The following CTRL variants were observed in gnomAD, a reference collection of about 807,000 sequenced individuals.
CTRL encodes the protein chymotrypsin like.
CTRL carries 38 observed loss-of-function variants against 35.5 expected under a neutral mutation model. That is an observed-to-expected ratio of 1.07 (90% CI 0.83 to 1.40). CTRL has a LOEUF of 1.40. CTRL is among the 40% of genes most tolerant of loss of function. The pLI, the probability that CTRL is intolerant of heterozygous loss-of-function variation, is 0.00. For missense variants in CTRL, 327 were observed against 342.9 expected (o/e 0.95, Z 0.37); for synonymous variants, 155 against 141.1 (o/e 1.10, Z -0.70).
chr16:67,929,869 T>C lies in CTRL; in HGVS notation c.*65A>G. ...TTCTCCTGAGCCAGGAAGACAGACA[T>C]GAATGCATGATGGGACAGGGCCTGG... On this transcript the variant is annotated 3_prime_UTR_variant, in exon 7 of 7. Coordinates refer to ENST00000574481, the MANE Select transcript of CTRL (RefSeq NM_001907.3). 4.5e-6 allele frequency: 7 copies of C among 1,538,704 alleles called. No homozygotes were observed. In the South Asian group the frequency reaches 8.0e-5, roughly 18 times the overall value.
At position 67,931,082 on chromosome 16, in the gene CTRL, C is replaced by T; in HGVS notation, c.156+16G>A. The T allele has an allele frequency of 2.5e-6, 4 of 1,613,868 alleles. No homozygotes were observed. Among genetic ancestry groups the T allele is most frequent in the Non-Finnish European group, 3.4e-6 (4 of 1,179,856 alleles). ...ATGACGTACCCAGGACCCTGCCCACCCCTCTGGTGGTGTACCTGCAGGGAC... is the reference window on the plus strand; with the variant it reads ...ATGACGTACCCAGGACCCTGCCCACTCCTCTGGTGGTGTACCTGCAGGGAC... On this transcript the variant is annotated intron_variant, in intron 2 of 6. Transcript: ENST00000574481.
rs752607432 is a variant in CTRL, at chr16:67,930,939, C to T, written c.217G>A (p.Ala73Thr). The T allele has an allele frequency of 7.4e-6, 12 of 1,613,610 alleles. No individual in the cohort carries two copies. The East Asian group carries it at 1.8e-4, about 24-fold the overall frequency. The change falls in exon 3 of 7, where the codon GCT (alanine) becomes ACT (threonine). Residue 73 changes from alanine (A) to threonine (T), a missense_variant. Transcript: ENST00000574481. This position sits in a 1 kb window ranked among gnomAD's most constrained non-coding sequence, Gnocchi z 4.3. ...SLISQSWVVT[A>T]AHCNVSPGRH... ...ACTCACCTGACATTGCAGTGGGCAG[C>T]AGTGACCACCCAGGACTGGCTGATG...
chr16:67,931,144 C>T lies in CTRL; in HGVS notation c.110G>A (p.Gly37Glu), dbSNP rs200758826. The part of the protein sequence containing the change: ...ALSFSQRIVN[G>E]ENAVLGSWPW... The stretch of plus-strand genomic sequence containing the variant: ...CCAGGAGCCCAACACTGCATTCTCC[C>T]CGTTGACAATCCTCTGGCTGAAGCT... The change falls in exon 2 of 7, where the codon GGG becomes GAG. Residue 37 changes from glycine (G) to glutamate (E), a missense_variant. Physicochemically the swap from Gly to Glu is moderately conservative, Grantham distance 98. Transcript: ENST00000574481. 106 of 1,614,034 alleles carry T rather than the reference C, an allele frequency of 6.6e-5. No homozygotes were observed. The highest frequency in any genetic ancestry group is 8.3e-5 in the Non-Finnish European group (98 of 1,180,030).
Position 67,930,582 on chromosome 16 carries a change from T to TAATG in CTRL, c.321_324dup (p.Thr109HisfsTer5). On this transcript the variant is annotated frameshift_variant, in exon 5 of 7. Coordinates refer to ENST00000574481, the MANE Select transcript of CTRL (RefSeq NM_001907.3). LOFTEE classifies it high-confidence loss of function. This position sits in a 1 kb window ranked among gnomAD's most constrained non-coding sequence, Gnocchi z 4.3. ...GTGGTAGAGTTCCAGCTAGGGTGTG[T>TAATG]AATGGCCTGTGGGGTCAGAAACAGT... 6.2e-7 allele frequency: 1 copy of TAATG among 1,613,942 alleles called. No individual in the cohort carries two copies. Among genetic ancestry groups the TAATG allele is most frequent in the Non-Finnish European group, 8.5e-7 (1 of 1,179,868 alleles).
Position 67,929,665 on chromosome 16 carries a change from C to T in CTRL, c.*269G>A, listed in dbSNP as rs1387031724. 4.0e-6 allele frequency: 2 copies of T among 497,074 alleles called. No individual in the cohort carries two copies. Among genetic ancestry groups the T allele is most frequent in the Non-Finnish European group, 7.3e-6 (2 of 275,732 alleles). 30.8% of individuals were successfully genotyped at this position (497,074 alleles called of 1,614,324 possible). On this transcript the variant is annotated 3_prime_UTR_variant, in exon 7 of 7. Transcript: ENST00000574481. ...AGGCTGCCTCTCCAGGGAGGGCTGC[C>T]ATTCATTCCAACAGTTCTGGCTTCT... is the stretch of plus-strand genomic sequence containing the variant.
In CTRL at chr16:67,930,735, G is replaced by T; in HGVS notation, c.309C>A (p.Ser103=). ...SSNAEPLQVL[S]VSRAITHPSW... is the part of the protein sequence containing the mutation. ...CAGCCCAGGCACTCACCCGAGAGAC[G>T]GACAGAACCTGCAAGGGCTCTGCGT... The change falls in exon 4 of 7, where the codon TCC becomes TCA. Residue 103 remains serine (S), a synonymous_variant. Transcript: ENST00000574481. This position sits in a 1 kb window ranked among gnomAD's most constrained non-coding sequence, Gnocchi z 4.3. 6.2e-7 allele frequency: 1 copy of T among 1,613,960 alleles called. No individual in the cohort carries two copies. Among genetic ancestry groups the T allele is most frequent in the Non-Finnish European group, 8.5e-7 (1 of 1,179,896 alleles).
Position 67,929,856 on chromosome 16 carries a change from A to C in CTRL, c.*78T>G. On this transcript the variant is annotated 3_prime_UTR_variant, in exon 7 of 7. Transcript: ENST00000574481. ...AACAGCCTCTTCTTTCTCCTGAGCCAGGAAGACAGACATGAATGCATGATG... is the reference window on the plus strand; with the variant it reads ...AACAGCCTCTTCTTTCTCCTGAGCCCGGAAGACAGACATGAATGCATGATG... The C allele has an allele frequency of 4.0e-6, 6 of 1,501,320 alleles. No homozygotes were observed. The highest frequency in any genetic ancestry group is 5.5e-6 in the Non-Finnish European group (6 of 1,095,076). 93.0% of individuals were successfully genotyped at this position (1,501,320 alleles called of 1,614,324 possible).
rs1393250012 is a variant in CTRL at position 67,929,828 on chromosome 16, C to G, written c.*106G>C. 4.6e-6 allele frequency: 6 copies of G among 1,314,424 alleles called. No individual in the cohort carries two copies. Among genetic ancestry groups the G allele is most frequent in the Non-Finnish European group, 5.3e-6 (5 of 943,690 alleles). The allele number at this position is 1,314,424 out of a possible 1,614,324, so 81.4% of individuals were successfully genotyped here. The stretch of plus-strand genomic sequence containing the variant: ...AGAAGTCCAAGTAGGGAGTCGGACC[C>G]TCAACAGCCTCTTCTTTCTCCTGAG... On this transcript the variant is annotated 3_prime_UTR_variant, in exon 7 of 7. Coordinates refer to ENST00000574481, the MANE Select transcript of CTRL (RefSeq NM_001907.3).
chr16:67,930,092 C>T lies in CTRL; in HGVS notation c.637G>A (p.Asp213Asn), dbSNP rs1419832747. 6.2e-7 allele frequency: 1 copy of T among 1,613,908 alleles called. No homozygotes were observed. Among genetic ancestry groups the T allele is most frequent in the African/African-American group, 1.3e-5 (1 of 74,860 alleles). The change falls in exon 7 of 7, where the codon GAC (aspartate) becomes AAC (asparagine). Residue 213 changes from aspartate to asparagine, a missense_variant. Coordinates refer to ENST00000574481, the MANE Select transcript of CTRL (RefSeq NM_001907.3). This position sits in a 1 kb window ranked among gnomAD's most constrained non-coding sequence, Gnocchi z 4.3. ...TGGCAGACAAGAGGGCCTCCGGAGT[C>T]ACCCTGAGAGGGAAGAGGGAGGGAG... ...GGAGASSCQG[D>N]SGGPLVCQKG... is the part of the protein sequence containing the mutation.
chr16:67,930,295 G>A lies in CTRL; in HGVS notation c.523C>T (p.Gln175Ter). The change falls in exon 6 of 7, where the codon CAG becomes TAG. Residue 175 changes from glutamine (Q) to a stop codon, truncating the protein, a stop_gained. Transcript: ENST00000574481. LOFTEE classifies it high-confidence loss of function. This position sits in a 1 kb window ranked among gnomAD's most constrained non-coding sequence, Gnocchi z 4.3. ...GVGNVTPAHL[Q>*]QVALPLVTVN... ...GTGACCAGGGGCAAAGCCACCTGCT[G>A]CAGATGTGCTGGTGTCACATTGCCT... 1 of 1,614,100 alleles carries A rather than the reference G, an allele frequency of 6.2e-7. No individual in the cohort carries two copies. Among genetic ancestry groups the A allele is most frequent in the South Asian group, 1.1e-5 (1 of 91,080 alleles).
intron 1 of CTRL, 69 bp from the exon 2 acceptor site, chr16:67,931,270 GC>G: frequency 1.3e-6 from 2 of 1,524,558 alleles, no homozygotes; most frequent in Non-Finnish European, 1.8e-6. Flanking sequence ...CCTTTTGGGT[GC>G]CCCAGGCTGT....
intron 1 of CTRL, chr16:67,931,577 A>G (rs1249253772): frequency 2.1e-5 from 13 of 606,128 alleles, no homozygotes; most frequent in Non-Finnish European, 3.5e-5. Context: ...CCCGGGCTCC[A>G]GGGCCTGGCT....
chr16:67,930,723 C>CA lies in CTRL; in HGVS notation c.318+2dup, dbSNP rs2058236922. 3 of 1,613,654 alleles carry CA rather than the reference C, an allele frequency of 1.9e-6. No homozygotes were observed. The highest frequency in any genetic ancestry group is 1.7e-5 in the Admixed American group (1 of 59,982). ...CCTCCGTGTCTGCAGCCCAGGCACT[C>CA]ACCCGAGAGACGGACAGAACCTGCA... On this transcript the variant is annotated splice_region_variant and intron_variant, in intron 4 of 6. Transcript: ENST00000574481. This position sits in a 1 kb window ranked among gnomAD's most constrained non-coding sequence, Gnocchi z 4.3.
At position 67,929,717 on chromosome 16, in the gene CTRL, G is replaced by A. The variant is rs143396758; in HGVS notation, c.*217C>T. The A allele has an allele frequency of 7.0e-3, 4,032 of 579,430 alleles. 23 individuals are homozygous for A. The highest frequency in any genetic ancestry group is 0.01 in the Admixed American group (344 of 33,210). The allele number at this position is 579,430 out of a possible 1,614,324, so 35.9% of individuals were successfully genotyped here. A position where few individuals can be genotyped will look rare whatever the true frequency, so the allele number is the denominator to read the frequency against. On this transcript the variant is annotated 3_prime_UTR_variant, in exon 7 of 7. Transcript: ENST00000574481. Reference sequence around the variant, plus strand: ...GCTGTAGGACCAAGGGGTTGCCCTGGAGGAGGGGTGGGGGCCCCGGCCTCG... The same window carrying A: ...GCTGTAGGACCAAGGGGTTGCCCTGAAGGAGGGGTGGGGGCCCCGGCCTCG...
rs2058237458 is a variant in CTRL at position 67,930,815 on chromosome 16, G to C, written c.237-8C>G. 6.2e-7 allele frequency: 1 copy of C among 1,613,980 alleles called. No individual in the cohort carries two copies. The highest frequency in any genetic ancestry group is 8.5e-7 in the Non-Finnish European group (1 of 1,179,892). Reference sequence around the variant, plus strand: ...ACAAAATGGCGGCCAGGGCTGCAAGGGGGTGGGATTAGGCAGCTGCAGGGA... The same window carrying C: ...ACAAAATGGCGGCCAGGGCTGCAAGCGGGTGGGATTAGGCAGCTGCAGGGA... On this transcript the variant is annotated splice_region_variant and splice_polypyrimidine_tract_variant and intron_variant, in intron 3 of 6. Coordinates refer to ENST00000574481, the MANE Select transcript of CTRL (RefSeq NM_001907.3). This position sits in a 1 kb window ranked among gnomAD's most constrained non-coding sequence, Gnocchi z 4.3.
chr16:67,931,665 G>A (rs939174950), intron 1 of CTRL, 136 bp downstream of exon 1: 2 of 1,043,396 alleles, frequency 1.9e-6, no homozygotes, highest in Non-Finnish European at 2.8e-6. Context: ...CTGCTCCACT[G>A]CCCTGGCATA....
At position 67,930,323 on chromosome 16, in the gene CTRL, G is replaced by A; in HGVS notation, c.500-5C>T. 6.2e-7 allele frequency: 1 copy of A among 1,613,796 alleles called. No homozygotes were observed. The highest frequency in any genetic ancestry group is 1.3e-5 in the African/African-American group (1 of 75,022). On this transcript the variant is annotated splice_polypyrimidine_tract_variant and splice_region_variant and intron_variant, in intron 5 of 6. Transcript: ENST00000574481. This position sits in a 1 kb window ranked among gnomAD's most constrained non-coding sequence, Gnocchi z 4.3. ...GATGTGCTGGTGTCACATTGCCTGT[G>A]GGCCAGGAGGGGTGGTCACATGGGG...
Position 67,931,177 on chromosome 16 carries a change from G to T in CTRL, c.77C>A (p.Pro26Gln), listed in dbSNP as rs539488905. The T allele has an allele frequency of 1.2e-6, 2 of 1,613,952 alleles. No individual in the cohort carries two copies. The highest frequency in any genetic ancestry group is 1.1e-5 in the South Asian group (1 of 91,090). ...AATCCTCTGGCTGAAGCTCAGTGCC[G>T]GTTTGATGGCAGGAATGCCGCAGCC... The part of the protein sequence containing the change: ...SWGCGIPAIK[P>Q]ALSFSQRIVN... The change falls in exon 2 of 7, where the codon CCG (proline) becomes CAG (glutamine). Residue 26 changes from proline (P) to glutamine (Q), a missense_variant. Pro to Gln is a moderately conservative substitution (Grantham distance 76). Coordinates refer to ENST00000574481, the MANE Select transcript of CTRL (RefSeq NM_001907.3).
At position 67,931,839 on chromosome 16, in the gene CTRL, C is replaced by A; in HGVS notation, c.14G>T (p.Ser5Ile). ...GAGGAGAACCAGGCTTAGGGTCAGG[C>A]TGAGCAGCAACATCGTGGCAGATGT... MLLL[S>I]LTLSLVLLGS... The change falls in exon 1 of 7, where the codon AGC (serine) becomes ATC (isoleucine). Residue 5 changes from serine to isoleucine, a missense_variant. Coordinates refer to ENST00000574481, the MANE Select transcript of CTRL (RefSeq NM_001907.3). The A allele has an allele frequency of 6.4e-7, 1 of 1,572,624 alleles. No homozygotes were observed. Among genetic ancestry groups the A allele is most frequent in the African/African-American group, 1.4e-5 (1 of 73,894 alleles).
Sources: gnomAD v4.1 joint callset for allele counts on GRCh38, gnomAD v4.1.1 for gene constraint, Gnocchi (gnomAD v3.1) non-coding constraint, MANE v1.5 for transcripts, NCBI Gene and HGNC (gene_info 2026-07-23, HGNC 2026-07-21) for gene names.